Variants in MYO16 observed in about 807,000 individuals in gnomAD.
MYO16 encodes unconventional myosin-XVI.
A neutral mutation model predicts 205.3 loss-of-function variants in MYO16; 94 were observed. The ratio of observed to expected loss-of-function variants is 0.46; its 90% confidence interval spans 0.39 to 0.54. The LOEUF is 0.54. MYO16 is among the 20% of genes least tolerant of loss of function. The pLI is 0.00. For synonymous variants in MYO16, 988 were observed against 954.0 expected, an observed-to-expected ratio of 1.04 and a Z score of -0.66; for missense variants, 2,315 against 2,387.5, an observed-to-expected ratio of 0.97 and a Z score of 0.63.
chr13:108,697,990 T>C (rs1883153891), intron 2 of MYO16, among the ~76,000 whole-genome samples: 1 of 152,206 alleles, frequency 6.6e-6, no homozygotes, highest in African/African-American at 2.4e-5. Context: ...CCCAAAGTGC[T>C]GGGATTACAG....
intron 21 of MYO16, among the ~76,000 whole-genome samples, chr13:109,001,472 G>C (rs1350454378): frequency 6.6e-6 from 1 of 152,154 alleles, no homozygotes; most frequent in Non-Finnish European, 1.5e-5. Context: ...GTCAGTCATG[G>C]TGCTAGCAAA....
In MYO16 at chr13:108,834,638, A is replaced by ACT. The variant is rs67472762; in HGVS notation, c.1098-9675_1098-9674dup. ...TGTTTCCTGTTTTATTCAGTCTTGT[A>ACT]CTCTCTCTCTCTCTCTCTCTCTCTC... On this transcript the variant is annotated intron_variant, in intron 9 of 34. Coordinates refer to ENST00000457511, the MANE Select transcript of MYO16 (RefSeq NM_001198950.3). Among the ~76,000 whole-genome samples the ACT allele has an allele frequency of 9.7e-3, 877 of 90,316 alleles. 6 individuals carry two copies. The highest frequency in any genetic ancestry group is 0.027 in the African/African-American group (787 of 28,654). 59.3% of individuals were successfully genotyped at this position (90,316 alleles called of 152,430 possible). A position where few individuals can be genotyped will look rare whatever the true frequency, so the allele number is the denominator to read the frequency against.
At chr13:108,733,355 A>G (rs1168662556) in intron 4 of MYO16, among the ~76,000 whole-genome samples, 1 of 152,204 alleles carries the variant, frequency 6.6e-6, no homozygotes, top group East Asian at 1.9e-4. Flanking sequence ...ACAGAATTCT[A>G]TTATGAAAGT....
rs550088960 is a variant in MYO16 at position 108,857,040 on chromosome 13, T to A, written c.1359+1487T>A. Among the ~76,000 whole-genome samples, 4 of 152,318 alleles carry A rather than the reference T, an allele frequency of 2.6e-5. No homozygotes were observed. In the South Asian group the frequency reaches 8.3e-4, roughly 32 times the overall value. ...CTGAGGACTCTTCCTCACTTATATC[T>A]AAATTACCTGATTATCGCCTGCCTT... On this transcript the variant is annotated intron_variant, in intron 11 of 34. Transcript: ENST00000457511.
intron 9 of MYO16, among the ~76,000 whole-genome samples, chr13:108,838,302 A>C (rs1318110665): frequency 6.6e-6 from 1 of 152,112 alleles, no homozygotes; most frequent in Non-Finnish European, 1.5e-5. Flanking sequence ...AGACTATCAC[A>C]TGTTAAATGT....
At position 108,970,157 on chromosome 13, in the gene MYO16, G is replaced by GCAGCCTATA. The variant is rs1198586780; in HGVS notation, c.2369+5255_2369+5256insCAGCCTATA. On this transcript the variant is annotated intron_variant, in intron 20 of 34. Transcript: ENST00000457511. ...CTGCCAGAAATGTGTCTGTTTTATGGTGGTCAACATTATAGGCAGAATTGT... is the reference window on the plus strand; with the variant it reads ...CTGCCAGAAATGTGTCTGTTTTATGGCAGCCTATATGGTCAACATTATAGGCAGAATTGT... Among the ~76,000 whole-genome samples, 104 of 152,272 alleles carry GCAGCCTATA rather than the reference G, an allele frequency of 6.8e-4. 1 individual carries two copies. Among genetic ancestry groups the GCAGCCTATA allele is most frequent in the Admixed American group, 6.7e-3 (102 of 15,296 alleles).
At chr13:108,613,950 A>G (rs1879261297) in intron 1 of MYO16, among the ~76,000 whole-genome samples, 1 of 152,136 alleles carries the variant, frequency 6.6e-6, no homozygotes, top group African/African-American at 2.4e-5. Flanking sequence ...TCAACACTTC[A>G]ATTCCATAAT....
At chr13:108,744,985 A>G (rs1885015941) in intron 4 of MYO16, among the ~76,000 whole-genome samples, 1 of 152,224 alleles carries the variant, frequency 6.6e-6, no homozygotes, top group Non-Finnish European at 1.5e-5. Context: ...ATAATATTAG[A>G]TTTTAGAAGA....
At chr13:108,995,997 G>T (rs1483259542) in intron 21 of MYO16, among the ~76,000 whole-genome samples, 2 of 152,266 alleles carry the variant, frequency 1.3e-5, no homozygotes, top group East Asian at 3.9e-4. Flanking sequence ...CTGTAAACTA[G>T]TTCAACCATT....
At chr13:108,981,263 G>A (rs1884438530) in intron 20 of MYO16, among the ~76,000 whole-genome samples, 1 of 152,124 alleles carries the variant, frequency 6.6e-6, no homozygotes, top group Non-Finnish European at 1.5e-5. Context: ...TGCTCAATAT[G>A]CATTTATTGA....
the MYO16 span, among the ~76,000 whole-genome samples, chr13:108,582,349 G>T: frequency 6.6e-5 from 10 of 151,972 alleles, no homozygotes; most frequent in Non-Finnish European, 1.2e-4. Context: ...ACATGTATGA[G>T]TTCAGTCCGT....
At chr13:108,713,277 G>A (rs1406238573) in intron 3 of MYO16, among the ~76,000 whole-genome samples, 1 of 152,140 alleles carries the variant, frequency 6.6e-6, no homozygotes, top group South Asian at 2.1e-4. Context: ...AAGTCAACAA[G>A]TATTCGATTT....
chr13:108,574,392 G>A, the MYO16 span, among the ~76,000 whole-genome samples: 1 of 152,122 alleles, frequency 6.6e-6, no homozygotes, highest in Non-Finnish European at 1.5e-5. Flanking sequence ...AAGCATAACT[G>A]TGGTATCAAG....
chr13:109,086,881 T>C (rs1457283059), intron 27 of MYO16, among the ~76,000 whole-genome samples: 1 of 152,232 alleles, frequency 6.6e-6, no homozygotes, highest in Non-Finnish European at 1.5e-5. Flanking sequence ...CATTCTGATA[T>C]GTTCTGAAAA....
At chr13:108,681,164 T>C (rs1882445702) in intron 2 of MYO16, among the ~76,000 whole-genome samples, 1 of 152,260 alleles carries the variant, frequency 6.6e-6, no homozygotes, top group Non-Finnish European at 1.5e-5. Context: ...AATATGCTTC[T>C]CTTTCCCACA....
chr13:108,797,419 TGAAGAA>T (rs1406600484), intron 6 of MYO16, among the ~76,000 whole-genome samples: 1 of 152,062 alleles, frequency 6.6e-6, no homozygotes, highest in African/African-American at 2.4e-5. Flanking sequence ...GCCATGGAGA[TGAAGAA>T]GAGGAGGCTC....
At chr13:108,870,982 A>G (rs1363259756) in intron 12 of MYO16, among the ~76,000 whole-genome samples, 1 of 152,124 alleles carries the variant, frequency 6.6e-6, no homozygotes. Flanking sequence ...TCTATAAAAA[A>G]TATATATGTA....
At chr13:108,827,854 C>T (rs1566354697) in intron 9 of MYO16, among the ~76,000 whole-genome samples, 1 of 152,120 alleles carries the variant, frequency 6.6e-6, no homozygotes, top group Non-Finnish European at 1.5e-5. Flanking sequence ...ACGTGCTCAC[C>T]CAGGGTTTTT....
chr13:109,089,697 G>A (rs76766678), intron 27 of MYO16, among the ~76,000 whole-genome samples: 1 of 152,170 alleles, frequency 6.6e-6, no homozygotes, highest in Admixed American at 6.5e-5. Flanking sequence ...GCAATAAACT[G>A]ACTGTCTTAT....
Sources: allele counts gnomAD v4.1 joint callset (sites outside exome capture counted in the v4.1 genomes callset), GRCh38; gene constraint gnomAD v4.1.1; transcripts MANE v1.5; gene names NCBI Gene and HGNC (gene_info 2026-07-23, HGNC 2026-07-21).